Variants in SEC23B observed in about 807,000 individuals in gnomAD.
SEC23B encodes protein transport protein Sec23B.
Under a neutral mutation model 104.3 loss-of-function variants are expected in SEC23B, and 77 were observed. The observed-to-expected ratio is 0.74, with a 90% CI of 0.61 to 0.89. The LOEUF is 0.89. Ranked by LOEUF, SEC23B falls within the 40% of genes least tolerant of loss-of-function variation. The probability of loss-of-function intolerance (pLI) is 0.00; values close to 1 mark genes in which losing one functional copy is unlikely to be tolerated. For synonymous variants in SEC23B, 338 were observed against 332.5 expected (o/e 1.02, Z -0.18); for missense variants, 885 against 949.4 (o/e 0.93, Z 0.89).
In SEC23B at chr20:18,512,339, A is replaced by G. The variant is rs2059988853; in HGVS notation, c.279+57A>G. On this transcript the variant is annotated intron_variant, in intron 3 of 19. Transcript: ENST00000650089. ...GTTTTATTTTAGTTGTATTATGAAA[A>G]AAATTAAGTTAGGTTGAATTTGTGT... 7 of 1,148,446 alleles carry G rather than the reference A, an allele frequency of 6.1e-6. No homozygotes were observed. The South Asian group carries it at 8.0e-5, about 13-fold the overall frequency. 71.1% of individuals were successfully genotyped at this position (1,148,446 alleles called of 1,614,324 possible). A position where few individuals can be genotyped will look rare whatever the true frequency, so the allele number is the denominator to read the frequency against.
chr20:18,509,959 A>G (rs1439351404), intron 1 of SEC23B: 1 of 152,206 alleles, frequency 6.6e-6, no homozygotes, highest in African/African-American at 2.4e-5. Context: ...ACTCAGCATA[A>G]TAGTAATTTT....
At chr20:18,509,080 T>C (rs2059958929) in intron 1 of SEC23B, among the ~76,000 whole-genome samples, 2 of 152,358 alleles carry the variant, frequency 1.3e-5, no homozygotes, top group South Asian at 4.1e-4. Context: ...TGAAATCTGC[T>C]GACATACTTG....
intron 12 of SEC23B, among the ~76,000 whole-genome samples, chr20:18,540,272 G>A (rs571782755): frequency 6.2e-4 from 95 of 152,304 alleles, no homozygotes; most frequent in African/African-American, 2.1e-3. Flanking sequence ...GATGCAGAAC[G>A]GATGTTGTGT....
chr20:18,525,948 C>T lies in SEC23B; in HGVS notation c.834+16C>T, dbSNP rs745567909. The T allele has an allele frequency of 8.7e-6, 14 of 1,613,398 alleles. No individual in the cohort carries two copies. In the East Asian group the frequency reaches 2.7e-4, roughly 31 times the overall value. ...CTTGCTGGAGGTAATTTAAAATTTA[C>T]CAGGACCTCTCAAATCATACAAATG... On this transcript the variant is annotated intron_variant, in intron 7 of 19. Coordinates refer to ENST00000650089, the MANE Select transcript of SEC23B (RefSeq NM_006363.6).
At position 18,550,125 on chromosome 20, in the gene SEC23B, TTATATAA is replaced by T. The variant is rs1302604861; in HGVS notation, c.1906-959_1906-953del. On this transcript the variant is annotated intron_variant, in intron 16 of 19. Transcript: ENST00000650089. ...GTATATATAAATATAAATTATATAC[TTATATAA>T]TATAAAATATTACTTACAAATAAAT... Among the ~76,000 whole-genome samples, 11 of 148,368 alleles carry T rather than the reference TTATATAA, an allele frequency of 7.4e-5. No homozygotes were observed. In the East Asian group the frequency reaches 7.8e-4, roughly 10 times the overall value.
chr20:18,551,796 C>A (rs1026962501), intron 17 of SEC23B, among the ~76,000 whole-genome samples: 1 of 152,052 alleles, frequency 6.6e-6, no homozygotes, highest in Non-Finnish European at 1.5e-5. Context: ...TTATTACCTT[C>A]GAAGTTAGGC....
intron 4 of SEC23B, among the ~76,000 whole-genome samples, chr20:18,518,592 T>G (rs2060054320): frequency 7.3e-6 from 1 of 136,376 alleles, no homozygotes. Flanking sequence ...GTTTTTTTTT[T>G]TTTTTTTTTT....
chr20:18,526,400 A>G lies in SEC23B; in HGVS notation c.862A>G (p.Ile288Val). Residue 288 changes from isoleucine (I) to valine (V), a missense_variant, in exon 8 of 20, where the codon ATC (isoleucine) becomes GTC (valine). Ile to Val is a conservative substitution (Grantham distance 29). Transcript: ENST00000650089. Reference sequence around the variant, plus strand: ...CACTTTTCCAAACACAGGAGCCAGGATCATGCTGTTTACTGGAGGTCCCCC... The same window carrying G: ...CACTTTTCCAAACACAGGAGCCAGGGTCATGCTGTTTACTGGAGGTCCCCC... The part of the protein sequence containing the change: ...EGTFPNTGAR[I>V]MLFTGGPPTQ... 6.2e-7 allele frequency: 1 copy of G among 1,614,202 alleles called. No individual in the cohort carries two copies. Among genetic ancestry groups the G allele is most frequent in the Non-Finnish European group, 8.5e-7 (1 of 1,180,022 alleles).
At chr20:18,534,253 C>T (rs6045448) in intron 11 of SEC23B, among the ~76,000 whole-genome samples, 19,532 of 152,198 alleles carry the variant, frequency 0.13, 1,352 homozygotes, top group Admixed American at 0.18. Flanking sequence ...TGTTCTCCTA[C>T]CACGATGTCA....
At chr20:18,545,833 GTAAGTGGCAGAGTTCA>G in intron 14 of SEC23B, 107 bp from the exon 15 acceptor site, 1 of 734,324 alleles carries the variant, frequency 1.4e-6, no homozygotes, top group Non-Finnish European at 2.5e-6. Flanking sequence ...AGGACTTATA[GTAAGTGGCAGAGTTCA>G]GACTGGATGT....
At chr20:18,560,413 G>C (rs2122198936) in intron 19 of SEC23B, among the ~76,000 whole-genome samples, 1 of 152,270 alleles carries the variant, frequency 6.6e-6, no homozygotes. Flanking sequence ...TAAAACGCCT[G>C]ATGCTCAAAA....
chr20:18,542,475 T>C (rs2060296853), intron 13 of SEC23B, 73 bp downstream of exon 13: 1 of 1,335,202 alleles, frequency 7.5e-7, no homozygotes. Flanking sequence ...CTTTAACATT[T>C]GTTAGTTTGT....
rs201459714 is a variant in SEC23B at position 18,540,645 on chromosome 20, C to G, written c.1405-1651C>G. ...CCAAGGTGGGTGGATTGCTTGATCT[C>G]AGGAGCTCAAGACCAGCCTGGGCAA... On this transcript the variant is annotated intron_variant, in intron 12 of 19. Coordinates refer to ENST00000650089, the MANE Select transcript of SEC23B (RefSeq NM_006363.6). 1.2e-4 allele frequency among the ~76,000 whole-genome samples: 18 copies of G among 152,282 alleles called. No homozygotes were observed. In the East Asian group the frequency reaches 3.5e-3, roughly 29 times the overall value.
chr20:18,542,669 C>T (rs1187734290), intron 13 of SEC23B, among the ~76,000 whole-genome samples: 3 of 152,182 alleles, frequency 2.0e-5, no homozygotes, highest in Non-Finnish European at 4.4e-5. Flanking sequence ...CAGTCTCGCT[C>T]TGTTGCCCAA....
chr20:18,535,924 G>T (rs1338577062), intron 12 of SEC23B, among the ~76,000 whole-genome samples, 182 bp downstream of exon 12: 1 of 152,162 alleles, frequency 6.6e-6, no homozygotes, highest in African/African-American at 2.4e-5. Context: ...TCGGAGTCAG[G>T]CAACAAATTA....
chr20:18,532,822 A>C, intron 11 of SEC23B, 78 bp downstream of exon 11: 2,496 of 997,644 alleles, frequency 2.5e-3, no homozygotes, highest in Non-Finnish European at 3.6e-3. Flanking sequence ...TGATGATCTC[A>C]CATGTGTCAC....
At chr20:18,531,120 A>G (rs752372661) in intron 10 of SEC23B, among the ~76,000 whole-genome samples, 2 of 152,184 alleles carry the variant, frequency 1.3e-5, no homozygotes, top group Non-Finnish European at 2.9e-5. Context: ...AGGATGACCT[A>G]TATATTTATT....
chr20:18,546,903 GTTTTTTTTT>G lies in SEC23B; in HGVS notation c.1743+888_1743+896del, dbSNP rs58809009. Among the ~76,000 whole-genome samples the G allele has an allele frequency of 3.5e-3, 407 of 115,498 alleles. 3 individuals carry two copies. Among genetic ancestry groups the G allele is most frequent in the African/African-American group, 0.013 (392 of 29,678 alleles). 75.8% of individuals were successfully genotyped at this position (115,498 alleles called of 152,430 possible). On this transcript the variant is annotated intron_variant, in intron 15 of 19. Coordinates refer to ENST00000650089, the MANE Select transcript of SEC23B (RefSeq NM_006363.6). ...AGTTGGTCTGGTGAAGTGGTTTGCA[GTTTTTTTTT>G]TTTTTTTTTTTTTTTTTAAAGCCAT...
chr20:18,548,485 C>A, intron 15 of SEC23B, 124 bp from the exon 16 acceptor site: 1 of 904,924 alleles, frequency 1.1e-6, no homozygotes, highest in South Asian at 1.4e-5. Flanking sequence ...GCTTTCTGTT[C>A]TGTGAAACCA....
Sources: allele counts gnomAD v4.1 joint callset (sites outside exome capture counted in the v4.1 genomes callset), GRCh38; gene constraint gnomAD v4.1.1; transcripts MANE v1.5; gene names NCBI Gene and HGNC (gene_info 2026-07-23, HGNC 2026-07-21).